Variants in DNAH11 observed in about 807,000 individuals in gnomAD.
The protein encoded by DNAH11 is axonemal beta dynein heavy chain 11.
In DNAH11, 442 loss-of-function variants were observed where a neutral mutation model predicts 526.0. The ratio of observed to expected loss-of-function variants is 0.84; its 90% CI spans 0.78 to 0.91. The LOEUF (loss-of-function observed/expected upper bound fraction) is 0.91, where lower values mean the gene tolerates loss of function less well. Ranked by LOEUF, DNAH11 falls within the 40% of genes least tolerant of loss-of-function variation. The pLI, the probability that DNAH11 is intolerant of heterozygous loss-of-function variation, is 0.00. For missense variants in DNAH11, 6,989 were observed against 5,448.7 expected (o/e 1.28, Z -8.90); for synonymous variants, 2,461 against 1,935.9 (o/e 1.27, Z -7.12).
intron 75 of DNAH11, 114 bp from the exon 76 acceptor site, chr7:21,884,177 T>A (rs1784036872): frequency 3.5e-6 from 3 of 858,368 alleles, no homozygotes. Context: ...CTTTAAATCC[T>A]CCTATTGACG....
chr7:21,789,340 G>A lies in DNAH11; in HGVS notation c.10024G>A (p.Val3342Met). Residue 3342 changes from valine (V) to methionine (M), a missense_variant and splice_region_variant, in exon 61 of 82, where the codon GTG becomes ATG. Transcript: ENST00000409508. ...ACTAGAGGCTATCAGGAAAAAGCTT[G>A]TGGTGAGTGCAAACTATGACATTGA... ...EKLEAIRKKL[V>M]DLDRNLSRLT... The A allele has an allele frequency of 6.4e-7, 1 of 1,562,886 alleles. No individual in the cohort carries two copies. The highest frequency in any genetic ancestry group is 8.7e-7 in the Non-Finnish European group (1 of 1,153,132).
At chr7:21,629,947 C>T (rs1246896948) in intron 25 of DNAH11, among the ~76,000 whole-genome samples, 2 of 151,960 alleles carry the variant, frequency 1.3e-5, no homozygotes, top group Non-Finnish European at 1.5e-5. Context: ...TTATTACTGC[C>T]ATTTTGTTAC....
intron 9 of DNAH11, among the ~76,000 whole-genome samples, chr7:21,583,565 A>G (rs1284868802): frequency 6.6e-6 from 1 of 152,236 alleles, no homozygotes; most frequent in South Asian, 2.1e-4. Context: ...ATTGTAACAA[A>G]AGCCAAAATT....
intron 66 of DNAH11, among the ~76,000 whole-genome samples, 187 bp downstream of exon 66, chr7:21,842,935 C>T (rs371198095): frequency 3.0e-4 from 45 of 152,118 alleles, no homozygotes; most frequent in African/African-American, 7.0e-4. Flanking sequence ...TAGATTGTTA[C>T]GGTTATGCCA....
chr7:21,811,882 A>C (rs143490924), intron 63 of DNAH11, among the ~76,000 whole-genome samples: 1 of 152,322 alleles, frequency 6.6e-6, no homozygotes, highest in East Asian at 1.9e-4. Context: ...TCAATGATGA[A>C]ATAATTTCAG....
chr7:21,720,747 G>A lies in DNAH11; in HGVS notation c.7157G>A (p.Cys2386Tyr). ...TAGACTCTATGTGTTCTTTTGGAGT[G>A]CTTGCTGACTCCTGAAAATGTACCT... ...LVQTLCVLLE[C>Y]LLTPENVPSD... Residue 2386 changes from cysteine (C) to tyrosine (Y), a missense_variant, in exon 44 of 82, where the codon TGC (cysteine) becomes TAC (tyrosine). Cys to Tyr is a radical substitution (Grantham distance 194). Coordinates refer to ENST00000409508, the MANE Select transcript of DNAH11 (RefSeq NM_001277115.2). 3.2e-6 allele frequency: 5 copies of A among 1,583,796 alleles called. No individual in the cohort carries two copies. The highest frequency in any genetic ancestry group is 4.3e-6 in the Non-Finnish European group (5 of 1,163,576).
chr7:21,847,351 T>A (rs193023750), intron 66 of DNAH11, among the ~76,000 whole-genome samples: 1 of 152,366 alleles, frequency 6.6e-6, no homozygotes, highest in African/African-American at 2.4e-5. Flanking sequence ...ACCACTGCTT[T>A]TGCTGAATCT....
chr7:21,689,094 G>A (rs1237735957), intron 34 of DNAH11, among the ~76,000 whole-genome samples: 2 of 152,254 alleles, frequency 1.3e-5, no homozygotes, highest in African/African-American at 2.4e-5. Flanking sequence ...CTTCTGCCAC[G>A]TGGGCCTTGG....
chr7:21,560,392 A>G (rs529584656), intron 4 of DNAH11, among the ~76,000 whole-genome samples: 38 of 152,352 alleles, frequency 2.5e-4, no homozygotes, highest in Non-Finnish European at 1.0e-4. Context: ...AAATTCTACA[A>G]TAGGCTGTCT....
intron 55 of DNAH11, among the ~76,000 whole-genome samples, chr7:21,769,873 C>G (rs1170934841): frequency 5.3e-5 from 8 of 152,104 alleles, no homozygotes; most frequent in African/African-American, 1.9e-4. Flanking sequence ...GTACCTTTTT[C>G]AATGACTGCA....
intron 65 of DNAH11, among the ~76,000 whole-genome samples, chr7:21,834,246 C>T (rs1233088782): frequency 6.6e-6 from 1 of 151,992 alleles, no homozygotes; most frequent in East Asian, 1.9e-4. Flanking sequence ...AAAATGTACT[C>T]CTAAACAACA....
chr7:21,670,031 C>T (rs1390187416), intron 30 of DNAH11, among the ~76,000 whole-genome samples: 1 of 152,052 alleles, frequency 6.6e-6, no homozygotes. Flanking sequence ...CTTTTTTATA[C>T]AACTCTTACA....
At position 21,606,098 on chromosome 7, in the gene DNAH11, T is replaced by C. The variant is rs1026447816; in HGVS notation, c.3649-328T>C. On this transcript the variant is annotated intron_variant, in intron 18 of 81. Transcript: ENST00000409508. ...CAGCACTTTGGGAGCCAGAGGCAGGTGAATCGCTTGAATTCACGAGTTCAA... is the reference window on the plus strand; with the variant it reads ...CAGCACTTTGGGAGCCAGAGGCAGGCGAATCGCTTGAATTCACGAGTTCAA... Among the ~76,000 whole-genome samples the C allele has an allele frequency of 1.9e-4, 29 of 152,238 alleles. 1 individual carries two copies. The highest frequency in any genetic ancestry group is 3.4e-3 in the Middle Eastern group (1 of 294).
intron 8 of DNAH11, among the ~76,000 whole-genome samples, chr7:21,574,465 T>C (rs1784008028): frequency 6.6e-6 from 1 of 152,138 alleles, no homozygotes. Flanking sequence ...TACCTGAGAT[T>C]ATAGTTTCCA....
intron 2 of DNAH11, among the ~76,000 whole-genome samples, chr7:21,549,750 A>G (rs953373713): frequency 6.6e-6 from 1 of 152,058 alleles, no homozygotes; most frequent in Admixed American, 6.6e-5. Context: ...TTACTGTCCA[A>G]CCCTGCAATT....
Position 21,868,950 on chromosome 7 carries a change from C to A in DNAH11, c.11926C>A (p.Leu3976Met). The part of the protein sequence containing the change: ...QGQETVAEVA[L>M]EKASKGGHWV... ...TCAGGAGACGGTGGCAGAAGTGGCCCTGGAGAAAGCTTCCAAAGGAGGACA... is the reference window on the plus strand; with the variant it reads ...TCAGGAGACGGTGGCAGAAGTGGCCATGGAGAAAGCTTCCAAAGGAGGACA... Residue 3976 changes from leucine (L) to methionine (M), a missense_variant, in exon 73 of 82, where the codon CTG becomes ATG. Physicochemically the swap from Leu to Met is conservative, Grantham distance 15. Transcript: ENST00000409508. 2 of 1,613,976 alleles carry A rather than the reference C, an allele frequency of 1.2e-6. No individual in the cohort carries two copies. Among genetic ancestry groups the A allele is most frequent in the African/African-American group, 1.3e-5 (1 of 75,044 alleles).
chr7:21,883,287 C>T (rs1783993764), intron 75 of DNAH11, among the ~76,000 whole-genome samples: 1 of 152,184 alleles, frequency 6.6e-6, no homozygotes. Context: ...GTAAAGGTTC[C>T]TGTCTAGAAA....
At chr7:21,700,298 C>T (rs1228735605) in intron 36 of DNAH11, among the ~76,000 whole-genome samples, 1 of 152,136 alleles carries the variant, frequency 6.6e-6, no homozygotes, top group Non-Finnish European at 1.5e-5. Flanking sequence ...GAAATCTGGC[C>T]AGGACAGAAG....
At chr7:21,876,709 C>A (rs987395427) in intron 74 of DNAH11, among the ~76,000 whole-genome samples, 4 of 152,136 alleles carry the variant, frequency 2.6e-5, no homozygotes, top group African/African-American at 9.7e-5. Context: ...GAGTTGCAGC[C>A]CCCATATCCA....
Sources: gnomAD v4.1 joint callset for allele counts (sites outside exome capture counted in the v4.1 genomes callset) on GRCh38, gnomAD v4.1.1 for gene constraint, MANE v1.5 for transcripts, NCBI Gene and HGNC (gene_info 2026-07-23, HGNC 2026-07-21) for gene names.